The following UGGT2 variants were observed in gnomAD, a reference collection of about 807,000 sequenced individuals.
The protein encoded by UGGT2 is UDP-glucose glycoprotein glucosyltransferase 2.
Under a neutral mutation model 192.1 loss-of-function variants are expected in UGGT2, and 180 were observed. The ratio of observed to expected loss-of-function variants is 0.94; its 90% CI spans 0.83 to 1.06. The LOEUF is 1.06. UGGT2 is among the 50% of genes least tolerant of loss of function. The pLI, the probability that UGGT2 is intolerant of heterozygous loss-of-function variation, is 0.00. For synonymous variants in UGGT2, 580 were observed against 591.0 expected (o/e 0.98, Z 0.27); for missense variants, 1,849 against 1,795.7 (o/e 1.03, Z -0.54).
intron 38 of UGGT2, among the ~76,000 whole-genome samples, chr13:95,818,654 T>C (rs1011492754): frequency 2.4e-4 from 37 of 152,170 alleles, no homozygotes; most frequent in African/African-American, 8.7e-4. Context: ...TGAGAGGAAG[T>C]GCCTGTGAGT....
At chr13:96,009,662 GC>G (rs1169701972) in intron 5 of UGGT2, among the ~76,000 whole-genome samples, 1 of 152,120 alleles carries the variant, frequency 6.6e-6, no homozygotes, top group Non-Finnish European at 1.5e-5. Context: ...ACAAAAATTA[GC>G]CGGGCATGTT....
chr13:95,962,328 TGACA>T (rs753282162), intron 12 of UGGT2, among the ~76,000 whole-genome samples: 28 of 151,926 alleles, frequency 1.8e-4, no homozygotes, highest in Non-Finnish European at 1.3e-4. Flanking sequence ...AGACTAACCA[TGACA>T]GAGAAGACCT....
intron 37 of UGGT2, among the ~76,000 whole-genome samples, chr13:95,836,859 T>C (rs768053840): frequency 5.9e-5 from 9 of 152,202 alleles, no homozygotes; most frequent in Non-Finnish European, 1.2e-4. Context: ...AATATGATTA[T>C]ATTTTGCATC....
intron 29 of UGGT2, among the ~76,000 whole-genome samples, chr13:95,870,215 G>T (rs1242786004): frequency 1.3e-5 from 2 of 152,130 alleles, no homozygotes; most frequent in Non-Finnish European, 2.9e-5. Flanking sequence ...CTTATTTGTG[G>T]TAAGGTGGTG....
chr13:96,053,290 T>G lies in UGGT2; in HGVS notation c.23A>C (p.Asn8Thr). The G allele has an allele frequency of 4.4e-6, 7 of 1,578,294 alleles. No individual in the cohort carries two copies. The Admixed American group carries it at 1.0e-4, about 23-fold the overall frequency. The part of the protein sequence containing the change: MAPAKAT[N>T]VVRLLLGSTA... Reference sequence around the variant, plus strand: ...GGAGCCTAGTAGCAGCCGCACCACGTTCGTGGCTTTCGCTGGCGCCATGGC... The same window carrying G: ...GGAGCCTAGTAGCAGCCGCACCACGGTCGTGGCTTTCGCTGGCGCCATGGC... The change falls in exon 1 of 39, where the codon AAC (asparagine) becomes ACC (threonine). Residue 8 changes from asparagine to threonine, a missense_variant. Transcript: ENST00000376747.
intron 1 of UGGT2, among the ~76,000 whole-genome samples, chr13:96,051,438 C>T (rs984451347): frequency 1.3e-5 from 2 of 152,040 alleles, no homozygotes; most frequent in African/African-American, 2.4e-5. Flanking sequence ...TGTACCTGCA[C>T]GTTGTGCACA....
At chr13:95,854,202 G>C (rs550480484) in intron 35 of UGGT2, 113 bp downstream of exon 35, 24 of 1,124,976 alleles carry the variant, frequency 2.1e-5, no homozygotes, top group Non-Finnish European at 3.0e-5. Flanking sequence ...CTATGTAATT[G>C]GTTGCTTTTA....
At chr13:96,016,983 A>G (rs2052359396) in intron 4 of UGGT2, among the ~76,000 whole-genome samples, 1 of 152,214 alleles carries the variant, frequency 6.6e-6, no homozygotes, top group Non-Finnish European at 1.5e-5. Context: ...CATGGAGTCA[A>G]GGATTACATG....
At chr13:95,935,501 G>C (rs2049434195) in intron 17 of UGGT2, among the ~76,000 whole-genome samples, 1 of 152,164 alleles carries the variant, frequency 6.6e-6, no homozygotes, top group Admixed American at 6.5e-5. Flanking sequence ...GACCACTGTT[G>C]TTAGTTTGAT....
At chr13:96,031,444 C>T (rs543836560) in intron 2 of UGGT2, among the ~76,000 whole-genome samples, 55 of 152,254 alleles carry the variant, frequency 3.6e-4, no homozygotes, top group African/African-American at 1.3e-3. Flanking sequence ...GCTGGGATTA[C>T]AGGTGTGAAA....
At chr13:96,014,110 A>G (rs1291142250) in intron 4 of UGGT2, among the ~76,000 whole-genome samples, 1 of 152,212 alleles carries the variant, frequency 6.6e-6, no homozygotes, top group Non-Finnish European at 1.5e-5. Context: ...TTAACTATTC[A>G]GGAAAAGATC....
At chr13:95,986,981 T>C (rs1222936013) in intron 8 of UGGT2, among the ~76,000 whole-genome samples, 6 of 152,150 alleles carry the variant, frequency 3.9e-5, no homozygotes, top group African/African-American at 9.6e-5. Flanking sequence ...GTTTCAAACA[T>C]GTCAGAAGAA....
At chr13:95,964,774 C>T (rs149881692) in intron 12 of UGGT2, among the ~76,000 whole-genome samples, 2,507 of 152,184 alleles carry the variant, frequency 0.016, 68 homozygotes, top group African/African-American at 0.058. Context: ...AGCTTCTGCA[C>T]AGCAAAAGAA....
chr13:96,027,323 T>C (rs2052699232), intron 2 of UGGT2, among the ~76,000 whole-genome samples: 1 of 152,174 alleles, frequency 6.6e-6, no homozygotes, highest in African/African-American at 2.4e-5. Context: ...GTAATGAATG[T>C]AGGATTCAGG....
intron 12 of UGGT2, among the ~76,000 whole-genome samples, chr13:95,967,771 C>G (rs919796530): frequency 3.3e-5 from 5 of 152,242 alleles, no homozygotes; most frequent in African/African-American, 9.6e-5. Flanking sequence ...TGTGCCTGGC[C>G]AGGCATAACT....
At chr13:96,037,095 A>T (rs750812230) in intron 1 of UGGT2, among the ~76,000 whole-genome samples, 16 of 152,232 alleles carry the variant, frequency 1.1e-4, no homozygotes, top group Admixed American at 2.6e-4. Context: ...GACAGTAATT[A>T]TAAGTGGAAT....
chr13:95,860,981 C>A, intron 31 of UGGT2, 98 bp from the exon 32 acceptor site: 1 of 562,896 alleles, frequency 1.8e-6, no homozygotes, highest in Non-Finnish European at 2.9e-6. Context: ...AAATGTATTT[C>A]AAAATAGTTA....
At chr13:95,836,475 C>G (rs1166349399) in intron 37 of UGGT2, among the ~76,000 whole-genome samples, 2 of 152,176 alleles carry the variant, frequency 1.3e-5, no homozygotes, top group African/African-American at 4.8e-5. Context: ...ACACAGGGTT[C>G]AGGATGGTTC....
intron 22 of UGGT2, among the ~76,000 whole-genome samples, chr13:95,898,977 T>C (rs1039455327): frequency 2.6e-5 from 4 of 152,156 alleles, no homozygotes; most frequent in African/African-American, 7.2e-5. Flanking sequence ...TGTTGAAACT[T>C]AGTGGCCAGT....
Sources: gnomAD v4.1 joint callset for allele counts (sites outside exome capture counted in the v4.1 genomes callset) on GRCh38, gnomAD v4.1.1 for gene constraint, MANE v1.5 for transcripts, NCBI Gene and HGNC (gene_info 2026-07-23, HGNC 2026-07-21) for gene names.